SLC12A2: variants seen among roughly 807,000 people sequenced by gnomAD.
SLC12A2 encodes the protein Na-K-2Cl cotransporter 1.
SLC12A2 carries 67 observed loss-of-function variants against 136.3 expected under a neutral mutation model. The ratio of observed to expected loss-of-function variants is 0.49; its 90% CI spans 0.40 to 0.60. The LOEUF is 0.60. Among genes scored for constraint, SLC12A2 ranks in the 20% least tolerant of loss-of-function variants. The probability of loss-of-function intolerance (pLI) is 0.00; values close to 1 mark genes in which losing one functional copy is unlikely to be tolerated. For synonymous variants in SLC12A2, 619 were observed against 562.9 expected, an observed-to-expected ratio of 1.10 and a Z score of -1.41; for missense variants, 1,322 against 1,534.7, an observed-to-expected ratio of 0.86 and a Z score of 2.32.
Position 128,186,699 on chromosome 5 carries a change from A to C in SLC12A2, c.*68A>C. On this transcript the variant is annotated 3_prime_UTR_variant, in exon 27 of 27. Coordinates refer to ENST00000262461, the MANE Select transcript of SLC12A2 (RefSeq NM_001046.3). ...GCCTAGTGTAGTAACTGAAATCTTCAATGACACATTAACATCACAATGGCG... is the reference window on the plus strand; with the variant it reads ...GCCTAGTGTAGTAACTGAAATCTTCCATGACACATTAACATCACAATGGCG... 3 of 1,462,424 alleles carry C rather than the reference A, an allele frequency of 2.1e-6. No homozygotes were observed. The highest frequency in any genetic ancestry group is 2.8e-6 in the Non-Finnish European group (3 of 1,057,718). The allele number at this position is 1,462,424 out of a possible 1,614,324, so 90.6% of individuals were successfully genotyped here. A position where few individuals can be genotyped will look rare whatever the true frequency, so the allele number is the denominator to read the frequency against.
rs1763952493 is a variant in SLC12A2, at chr5:128,188,874, G to A, written c.*2243G>A. On this transcript the variant is annotated 3_prime_UTR_variant, in exon 27 of 27. Coordinates refer to ENST00000262461, the MANE Select transcript of SLC12A2 (RefSeq NM_001046.3). ...GTGAACTTTTAAGATGGATAATAGG[G>A]CATGGACTGAGTGCTGCTATCTTGA... 6.6e-6 allele frequency: 1 copy of A among 152,006 alleles called. No individual in the cohort carries two copies. Among genetic ancestry groups the A allele is most frequent in the Non-Finnish European group, 1.5e-5 (1 of 67,942 alleles). 9.4% of individuals were successfully genotyped at this position (152,006 alleles called of 1,614,324 possible).
chr5:128,084,177 AC>A lies in SLC12A2; in HGVS notation c.227del (p.Pro76ArgfsTer66), dbSNP rs1407750326. The A allele has an allele frequency of 7.7e-7, 1 of 1,292,436 alleles. No individual in the cohort carries two copies. Among genetic ancestry groups the A allele is most frequent in the South Asian group, 2.5e-5 (1 of 39,500 alleles). 80.1% of individuals were successfully genotyped at this position (1,292,436 alleles called of 1,614,324 possible). A position where few individuals can be genotyped will look rare whatever the true frequency, so the allele number is the denominator to read the frequency against. ...GDGLGRPLGP[T>X]PSQSRFQVDL... ...CGGGCTGGGCAGACCCTTGGGGCCC[AC>A]CCCGAGCCAGAGCCGTTTCCAGGTG... On this transcript the variant is annotated frameshift_variant, in exon 1 of 27. Transcript: ENST00000262461. LOFTEE classifies it high-confidence loss of function. The surrounding 1 kb of genome is among the most constrained non-coding windows in gnomAD (Gnocchi z 5.6).
At chr5:128,153,548 C>G (rs1762775852) in intron 15 of SLC12A2, among the ~76,000 whole-genome samples, 1 of 152,058 alleles carries the variant, frequency 6.6e-6, no homozygotes, top group Non-Finnish European at 1.5e-5. Flanking sequence ...GAGCGAGACT[C>G]CATCTCAAAA....
chr5:128,088,106 C>G (rs568330040), intron 1 of SLC12A2, among the ~76,000 whole-genome samples: 1 of 150,672 alleles, frequency 6.6e-6, no homozygotes, highest in Non-Finnish European at 1.5e-5. Flanking sequence ...AGGTCATGGA[C>G]TAAATTACTT....
At chr5:128,120,206 A>G (rs1761503164) in intron 4 of SLC12A2, among the ~76,000 whole-genome samples, 1 of 151,868 alleles carries the variant, frequency 6.6e-6, no homozygotes, top group African/African-American at 2.4e-5. Context: ...AAGTCAGGAA[A>G]CAACAGGTGC....
chr5:128,120,644 A>G (rs1189513801), intron 4 of SLC12A2, among the ~76,000 whole-genome samples: 6 of 151,172 alleles, frequency 4.0e-5, no homozygotes, highest in Non-Finnish European at 5.9e-5. Context: ...TCACTCATAG[A>G]TGGGAATTGA....
intron 1 of SLC12A2, chr5:128,110,880 C>T: frequency 7.8e-7 from 1 of 1,285,058 alleles, no homozygotes; most frequent in Non-Finnish European, 1.1e-6. Flanking sequence ...AGGAATATGC[C>T]AATTTACAAG....
chr5:128,181,246 A>T (rs185121552), intron 23 of SLC12A2, among the ~76,000 whole-genome samples: 253 of 152,292 alleles, frequency 1.7e-3, no homozygotes, highest in African/African-American at 5.6e-3. Context: ...AAATACTTGT[A>T]ACATTAAAGT....
At chr5:128,086,156 A>T (rs936811904) in intron 1 of SLC12A2, among the ~76,000 whole-genome samples, 1 of 152,198 alleles carries the variant, frequency 6.6e-6, no homozygotes, top group East Asian at 1.9e-4. Context: ...CAGTAAAGTG[A>T]TCTGTATTTA....
rs1320372886 is a variant in SLC12A2, at chr5:128,150,079, A to G, written c.2088A>G (p.Ala696=). The stretch of plus-strand genomic sequence containing the variant: ...TGATCAATTTTTCAGTATTCCATGC[A>G]TCACTTGCAAAATCTCCAGGTAATT... ...YALINFSVFH[A]SLAKSPGWRP... Residue 696 remains alanine, a synonymous_variant, in exon 13 of 27, where the codon GCA becomes GCG. Transcript: ENST00000262461. The G allele has an allele frequency of 1.2e-6, 2 of 1,600,590 alleles. No homozygotes were observed. Among genetic ancestry groups the G allele is most frequent in the Non-Finnish European group, 1.7e-6 (2 of 1,170,474 alleles).
At chr5:128,118,329 A>G (rs1030483352) in intron 4 of SLC12A2, among the ~76,000 whole-genome samples, 9 of 152,206 alleles carry the variant, frequency 5.9e-5, no homozygotes, top group African/African-American at 2.2e-4. Flanking sequence ...TTAAATGCCT[A>G]TCAACCAGTG....
chr5:128,157,961 T>A (rs771631899), intron 15 of SLC12A2, 92 bp from the exon 16 acceptor site: 4 of 984,498 alleles, frequency 4.1e-6, no homozygotes, highest in Non-Finnish European at 6.1e-6. Flanking sequence ...AGGACAGTTG[T>A]ATACAGAAAG....
chr5:128,187,934 T>G lies in SLC12A2; in HGVS notation c.*1303T>G, dbSNP rs1266863787. ...ATTTATAATTCAAGGAAGGATTTCCTGAAAACATTTCAAGGGATTTATGTC... is the reference window on the plus strand; with the variant it reads ...ATTTATAATTCAAGGAAGGATTTCCGGAAAACATTTCAAGGGATTTATGTC... On this transcript the variant is annotated 3_prime_UTR_variant, in exon 27 of 27. Transcript: ENST00000262461. 1 of 152,590 alleles carries G rather than the reference T, an allele frequency of 6.6e-6. No homozygotes were observed. Among genetic ancestry groups the G allele is most frequent in the Non-Finnish European group, 1.5e-5 (1 of 68,018 alleles). 9.5% of individuals were successfully genotyped at this position (152,590 alleles called of 1,614,324 possible). A position where few individuals can be genotyped will look rare whatever the true frequency, so the allele number is the denominator to read the frequency against.
intron 12 of SLC12A2, among the ~76,000 whole-genome samples, chr5:128,149,423 G>A (rs1039806493): frequency 1.3e-5 from 2 of 151,686 alleles, no homozygotes; most frequent in African/African-American, 4.8e-5. Flanking sequence ...AAACTTTTCT[G>A]TGATCAAGAG....
chr5:128,145,258 C>T (rs1581109126), intron 10 of SLC12A2, among the ~76,000 whole-genome samples: 1 of 152,010 alleles, frequency 6.6e-6, no homozygotes, highest in African/African-American at 2.4e-5. Flanking sequence ...TCAGTTTTGC[C>T]TTACTCCTAC....
intron 1 of SLC12A2, among the ~76,000 whole-genome samples, chr5:128,111,851 G>A (rs910757227): frequency 6.6e-6 from 1 of 151,416 alleles, no homozygotes; most frequent in African/African-American, 2.4e-5. Flanking sequence ...TGGAGAGAGA[G>A]AATTCACTAA....
chr5:128,116,976 C>T (rs1418180164), intron 4 of SLC12A2, among the ~76,000 whole-genome samples: 3 of 152,132 alleles, frequency 2.0e-5, no homozygotes, highest in African/African-American at 7.2e-5. Context: ...TCACATTACA[C>T]CTGTATTCAG....
intron 6 of SLC12A2, among the ~76,000 whole-genome samples, chr5:128,135,478 T>C (rs1169466786): frequency 6.6e-6 from 1 of 152,108 alleles, no homozygotes; most frequent in Non-Finnish European, 1.5e-5. Context: ...ATCTCACTTT[T>C]ACTATCTTTT....
intron 1 of SLC12A2, among the ~76,000 whole-genome samples, chr5:128,088,037 G>GTGTGTGTGTGTGTGTGTC (rs950115877): frequency 1.3e-5 from 2 of 151,452 alleles, no homozygotes; most frequent in Non-Finnish European, 2.9e-5. Flanking sequence ...GTGTGTGTGT[G>GTGTGTGTGTGTGTGTGTC]TGTCTGTATA....
Sources: allele counts gnomAD v4.1 joint callset (sites outside exome capture counted in the v4.1 genomes callset), GRCh38; gene constraint gnomAD v4.1.1; non-coding constraint Gnocchi (gnomAD v3.1); transcripts MANE v1.5; gene names NCBI Gene and HGNC (gene_info 2026-07-23, HGNC 2026-07-21).